The following FMN1 variants were observed in gnomAD, a reference collection of about 807,000 sequenced individuals.
FMN1 encodes the protein formin 1.
FMN1 carries 110 observed loss-of-function variants against 132.4 expected under a neutral mutation model. The ratio of observed to expected loss-of-function variants is 0.83; its 90% CI spans 0.71 to 0.97. The LOEUF is 0.97. FMN1 is among the 50% of genes least tolerant of loss of function. The pLI is 0.00. For synonymous variants in FMN1, 722 were observed against 651.7 expected (o/e 1.11, Z -1.64); for missense variants, 1,792 against 1,705.3 (o/e 1.05, Z -0.90).
intron 14 of FMN1, 167 bp downstream of exon 14, chr15:32,899,812 T>C (rs1451946367): frequency 1.4e-6 from 1 of 720,538 alleles, no homozygotes; most frequent in Non-Finnish European, 2.3e-6. Flanking sequence ...CAAAACTCTT[T>C]ATTCGAAAGT....
chr15:33,038,178 A>C (rs996091608), intron 6 of FMN1, among the ~76,000 whole-genome samples: 1 of 152,252 alleles, frequency 6.6e-6, no homozygotes, highest in Non-Finnish European at 1.5e-5. Context: ...CAGTGAGCCG[A>C]GATCGCACCA....
intron 6 of FMN1, among the ~76,000 whole-genome samples, chr15:33,010,948 CTGATTTA>C (rs2034683752): frequency 1.3e-5 from 2 of 151,024 alleles, no homozygotes; most frequent in African/African-American, 4.9e-5. Context: ...AGCCATGTTT[CTGATTTA>C]TAAGACTTCA....
At chr15:32,943,509 C>T (rs2140453486) in intron 9 of FMN1, among the ~76,000 whole-genome samples, 1 of 152,304 alleles carries the variant, frequency 6.6e-6, no homozygotes, top group South Asian at 2.1e-4. Context: ...CATCCCACTT[C>T]TAAGTCATGG....
At chr15:32,994,606 T>TG (rs2140876358) in intron 7 of FMN1, among the ~76,000 whole-genome samples, 1 of 152,160 alleles carries the variant, frequency 6.6e-6, no homozygotes, top group South Asian at 2.1e-4. Context: ...TCCAAGAGAG[T>TG]GGGGCCTATT....
At chr15:33,004,013 C>G (rs966451858) in intron 7 of FMN1, among the ~76,000 whole-genome samples, 1 of 151,868 alleles carries the variant, frequency 6.6e-6, no homozygotes, top group African/African-American at 2.4e-5. Context: ...GAAACTGGAT[C>G]CCTTCCTTAC....
intron 9 of FMN1, among the ~76,000 whole-genome samples, chr15:32,955,808 TGC>T (rs2061752677): frequency 7.2e-6 from 1 of 138,582 alleles, no homozygotes; most frequent in Non-Finnish European, 1.5e-5. Context: ...TGTGTGCGTG[TGC>T]GTGTGTGTGT....
chr15:33,113,177 T>C (rs944593426), intron 4 of FMN1, among the ~76,000 whole-genome samples: 2 of 152,208 alleles, frequency 1.3e-5, no homozygotes, highest in African/African-American at 2.4e-5. Context: ...AAGCTTGACC[T>C]GTGTACTGTG....
chr15:32,826,400 G>A (rs2058368226), intron 17 of FMN1, among the ~76,000 whole-genome samples: 1 of 152,190 alleles, frequency 6.6e-6, no homozygotes, highest in Non-Finnish European at 1.5e-5. Context: ...GAAAAACGCT[G>A]CCCTGAGATT....
chr15:32,898,039 C>T (rs757671484), intron 15 of FMN1, among the ~76,000 whole-genome samples: 63 of 152,206 alleles, frequency 4.1e-4, no homozygotes, highest in Non-Finnish European at 3.5e-4. Context: ...GATAAGCCCA[C>T]CAGGAGGGTA....
intron 6 of FMN1, among the ~76,000 whole-genome samples, chr15:33,042,460 G>A (rs553017898): frequency 1.3e-5 from 2 of 152,106 alleles, no homozygotes; most frequent in Non-Finnish European, 2.9e-5. Flanking sequence ...AACAAATTGA[G>A]GTAATCTGAA....
intron 4 of FMN1, among the ~76,000 whole-genome samples, chr15:33,089,417 T>C (rs2038825323): frequency 6.6e-6 from 1 of 152,220 alleles, no homozygotes; most frequent in Non-Finnish European, 1.5e-5. Context: ...ACAGAATCAT[T>C]ATGCATGGTG....
intron 4 of FMN1, among the ~76,000 whole-genome samples, chr15:33,097,737 G>A (rs954665469): frequency 2.0e-5 from 3 of 152,076 alleles, no homozygotes; most frequent in Admixed American, 6.5e-5. Context: ...TTTGTACCTC[G>A]CATTAATAAC....
At chr15:32,846,478 A>T (rs1294234355) in intron 17 of FMN1, among the ~76,000 whole-genome samples, 1 of 152,212 alleles carries the variant, frequency 6.6e-6, no homozygotes, top group Non-Finnish European at 1.5e-5. Context: ...AACATCACTG[A>T]TCATTAGAGA....
intron 4 of FMN1, among the ~76,000 whole-genome samples, chr15:33,151,865 C>T (rs1369757149): frequency 3.9e-5 from 6 of 152,108 alleles, no homozygotes; most frequent in Non-Finnish European, 8.8e-5. Context: ...AAAATCTTAT[C>T]AAAACAAGAT....
chr15:32,940,841 T>C (rs1168233302), intron 9 of FMN1, among the ~76,000 whole-genome samples: 1 of 152,098 alleles, frequency 6.6e-6, no homozygotes, highest in Non-Finnish European at 1.5e-5. Flanking sequence ...AGGGTAAAGG[T>C]TCTTCCGGGC....
chr15:33,009,379 T>C (rs1276628341), intron 6 of FMN1, among the ~76,000 whole-genome samples: 1 of 152,176 alleles, frequency 6.6e-6, no homozygotes, highest in Non-Finnish European at 1.5e-5. Flanking sequence ...TCCTTGGTTT[T>C]TCACGCAATT....
In FMN1 at chr15:33,154,441, C is replaced by T. The variant is rs866790633; in HGVS notation, c.474G>A (p.Lys158=). 1.3e-6 allele frequency: 2 copies of T among 1,536,016 alleles called. No homozygotes were observed. Among genetic ancestry groups the T allele is most frequent in the East Asian group, 2.4e-5 (1 of 40,914 alleles). ...CTCTCCTTCCACTAGACCTCCGAGG[C>T]TTTTTGTTCCCGTGGGTGCTCCTCT... ...LNKRSTHGNK[K]PRRSSGRRES... The change falls in exon 4 of 21, where the codon AAG becomes AAA. Residue 158 remains lysine (K), a synonymous_variant. Coordinates refer to ENST00000616417, the MANE Select transcript of FMN1 (RefSeq NM_001277313.2).
chr15:33,182,821 A>C (rs1191428194), intron 2 of FMN1, among the ~76,000 whole-genome samples: 1 of 152,138 alleles, frequency 6.6e-6, no homozygotes, highest in Non-Finnish European at 1.5e-5. Context: ...TGAGCATCTA[A>C]AGCACTCTGT....
intron 16 of FMN1, among the ~76,000 whole-genome samples, chr15:32,870,482 G>A (rs1442040206): frequency 2.6e-5 from 4 of 152,174 alleles, no homozygotes; most frequent in African/African-American, 9.7e-5. Flanking sequence ...TTAAGCAGAG[G>A]TGACAGGGCC....
Sources: gnomAD v4.1 joint callset for allele counts (sites outside exome capture counted in the v4.1 genomes callset) on GRCh38, gnomAD v4.1.1 for gene constraint, MANE v1.5 for transcripts, NCBI Gene and HGNC (gene_info 2026-07-23, HGNC 2026-07-21) for gene names.